Variants in RBM20 observed in about 807,000 individuals in gnomAD.
RBM20 encodes RNA-binding protein 20.
RBM20 carries 51 observed loss-of-function variants against 110.1 expected under a neutral mutation model. The observed-to-expected ratio is 0.46, with a 90% CI of 0.37 to 0.59. RBM20 has a LOEUF of 0.59. RBM20 is among the 20% of genes least tolerant of loss of function. RBM20 has a pLI of 0.00. For missense variants in RBM20, 1,512 were observed against 1,574.9 expected, an observed-to-expected ratio of 0.96 and a Z score of 0.68; for synonymous variants, 589 against 618.2, an observed-to-expected ratio of 0.95 and a Z score of 0.70.
chr10:110,661,102 G>A (rs1003118947), intron 1 of RBM20, among the ~76,000 whole-genome samples: 2 of 152,154 alleles, frequency 1.3e-5, no homozygotes, highest in African/African-American at 4.8e-5. Flanking sequence ...AATATTTGTT[G>A]AATGACTAAG....
intron 13 of RBM20, among the ~76,000 whole-genome samples, chr10:110,833,409 A>AAAAAAAAAAAAAAAAAAC (rs1477214137): frequency 1.3e-5 from 2 of 151,308 alleles, no homozygotes; most frequent in Non-Finnish European, 1.5e-5. Context: ...AAAAAAAAGA[A>AAAAAAAAAAAAAAAAAAC]ATGCAGCTTC....
chr10:110,838,117 C>T lies in RBM20; in HGVS notation c.*2139C>T, dbSNP rs1845156391. The T allele has an allele frequency of 6.6e-6, 1 of 152,206 alleles. No individual in the cohort carries two copies. The highest frequency in any genetic ancestry group is 2.4e-5 in the African/African-American group (1 of 41,442). 9.4% of individuals were successfully genotyped at this position (152,206 alleles called of 1,614,324 possible). ...GGAAAGCAGCTTTGAGATGACCAGTCTGGTTTTTGTTCTTTGTGTCTGCTT... is the reference window on the plus strand; with the variant it reads ...GGAAAGCAGCTTTGAGATGACCAGTTTGGTTTTTGTTCTTTGTGTCTGCTT... On this transcript the variant is annotated 3_prime_UTR_variant, in exon 14 of 14. Transcript: ENST00000369519.
chr10:110,762,608 T>C (rs919712288), intron 1 of RBM20, among the ~76,000 whole-genome samples: 2 of 152,188 alleles, frequency 1.3e-5, no homozygotes, highest in South Asian at 4.1e-4. Flanking sequence ...CAATAGCAGA[T>C]ACACAGCTCC....
intron 1 of RBM20, among the ~76,000 whole-genome samples, chr10:110,692,502 A>G (rs1482749661): frequency 1.3e-5 from 2 of 152,118 alleles, no homozygotes; most frequent in Non-Finnish European, 2.9e-5. Flanking sequence ...TTTTGATGCT[A>G]TTATAAATGA....
rs77569236 is a variant in RBM20 at position 110,836,395 on chromosome 10, G to A, written c.*417G>A. 1,236 of 153,630 alleles carry A rather than the reference G, an allele frequency of 8.0e-3. 18 individuals are homozygous for A. The highest frequency in any genetic ancestry group is 0.047 in the South Asian group (233 of 4,928). 9.5% of individuals were successfully genotyped at this position (153,630 alleles called of 1,614,324 possible). ...GTCAGGCCTAGCTGAGTCAGGCAAG[G>A]AAAAGGTTTAATGGAAACTCCTGGG... On this transcript the variant is annotated 3_prime_UTR_variant, in exon 14 of 14. Transcript: ENST00000369519.
At chr10:110,695,094 T>C (rs1053853739) in intron 1 of RBM20, among the ~76,000 whole-genome samples, 2 of 152,212 alleles carry the variant, frequency 1.3e-5, no homozygotes, top group African/African-American at 2.4e-5. Flanking sequence ...TGATTTTTGT[T>C]ACGATATCGT....
At chr10:110,747,296 TGG>T (rs370293230) in intron 1 of RBM20, among the ~76,000 whole-genome samples, 15 of 136,902 alleles carry the variant, frequency 1.1e-4, no homozygotes, top group Non-Finnish European at 1.4e-4. Context: ...ACTCTTTTTT[TGG>T]GGGGGGGGGT....
chr10:110,646,033 T>G (rs1054554088), intron 1 of RBM20, among the ~76,000 whole-genome samples: 4 of 152,236 alleles, frequency 2.6e-5, no homozygotes, highest in African/African-American at 9.6e-5. Context: ...GAAAAACTAT[T>G]TAAAATTTAA....
chr10:110,815,018 AAG>A (rs1292784204), intron 9 of RBM20, among the ~76,000 whole-genome samples: 2 of 152,210 alleles, frequency 1.3e-5, no homozygotes, highest in African/African-American at 4.8e-5. Context: ...ACCAACTCAA[AAG>A]AGAATCCAAA....
intron 1 of RBM20, among the ~76,000 whole-genome samples, chr10:110,753,807 TTGCGATG>T (rs1203309055): frequency 3.3e-5 from 5 of 152,254 alleles, no homozygotes; most frequent in Non-Finnish European, 7.3e-5. Flanking sequence ...TTTCCCAGCA[TTGCGATG>T]CTGCATTCCT....
chr10:110,814,665 T>TTTATATTTTTAGTAG (rs1410905514), intron 9 of RBM20, among the ~76,000 whole-genome samples: 2 of 152,056 alleles, frequency 1.3e-5, no homozygotes, highest in African/African-American at 4.8e-5. Context: ...CCGGCTAATT[T>TTTATATTTTTAGTAG]TTATATTTTT....
intron 7 of RBM20, among the ~76,000 whole-genome samples, chr10:110,801,604 G>C (rs141865539): frequency 0.02 from 2,999 of 151,708 alleles, 96 homozygotes; most frequent in African/African-American, 0.068. Flanking sequence ...GTGCAATTTT[G>C]GCTCACTGCA....
At chr10:110,831,224 C>T in intron 13 of RBM20, 42 bp downstream of exon 13, 1 of 1,542,836 alleles carries the variant, frequency 6.5e-7, no homozygotes, top group Admixed American at 2.0e-5. Context: ...AGGGGCTCCC[C>T]AGTCTCCATA....
rs191653395 is a variant in RBM20, at chr10:110,727,184, A to T, written c.192-53617A>T. The stretch of plus-strand genomic sequence containing the variant: ...TTTTTTTTTTTTTTACTATTAAGAA[A>T]TTCCCCCTTTTATCTTTAGTTGACA... On this transcript the variant is annotated intron_variant, in intron 1 of 13. Transcript: ENST00000369519. Among the ~76,000 whole-genome samples the T allele has an allele frequency of 2.7e-3, 360 of 132,104 alleles. 6 individuals carry two copies. The highest frequency in any genetic ancestry group is 9.7e-3 in the African/African-American group (334 of 34,376). The allele number at this position is 132,104 out of a possible 152,430, so 86.7% of individuals were successfully genotyped here.
chr10:110,752,918 T>C (rs1457270603), intron 1 of RBM20, among the ~76,000 whole-genome samples: 1 of 108,762 alleles, frequency 9.2e-6, no homozygotes, highest in Non-Finnish European at 1.9e-5. Context: ...TATATATTTA[T>C]ACATATATAT....
At chr10:110,652,735 G>A (rs1255687846) in intron 1 of RBM20, among the ~76,000 whole-genome samples, 1 of 152,172 alleles carries the variant, frequency 6.6e-6, no homozygotes, top group East Asian at 1.9e-4. Flanking sequence ...GAGAATCCCT[G>A]TATTTCTGTC....
At chr10:110,744,058 AG>A (rs2134973299) in intron 1 of RBM20, among the ~76,000 whole-genome samples, 1 of 152,326 alleles carries the variant, frequency 6.6e-6, no homozygotes, top group African/African-American at 2.4e-5. Flanking sequence ...GTACAGTGAC[AG>A]GGTGGTGTCA....
Position 110,644,695 on chromosome 10 carries a change from C to T in RBM20, c.191+50C>T. ...ACCACGGGTGCGCCTGGGGACACGC[C>T]CCGAGAGCCCCCTTTGTGGCTTCAT... On this transcript the variant is annotated intron_variant, in intron 1 of 13. Coordinates refer to ENST00000369519, the MANE Select transcript of RBM20 (RefSeq NM_001134363.3). This position sits in a 1 kb window ranked among gnomAD's most constrained non-coding sequence, Gnocchi z 4.3. 1 of 1,317,708 alleles carries T rather than the reference C, an allele frequency of 7.6e-7. No homozygotes were observed. Among genetic ancestry groups the T allele is most frequent in the South Asian group, 1.6e-5 (1 of 63,716 alleles). 81.6% of individuals were successfully genotyped at this position (1,317,708 alleles called of 1,614,324 possible). A position where few individuals can be genotyped will look rare whatever the true frequency, so the allele number is the denominator to read the frequency against.
chr10:110,656,279 G>A (rs1862025744), intron 1 of RBM20, among the ~76,000 whole-genome samples: 1 of 152,046 alleles, frequency 6.6e-6, no homozygotes, highest in Admixed American at 6.6e-5. Context: ...TTGCACTCCA[G>A]CCTGGGCAAC....
Sources: allele counts gnomAD v4.1 joint callset (sites outside exome capture counted in the v4.1 genomes callset), GRCh38; gene constraint gnomAD v4.1.1; non-coding constraint Gnocchi (gnomAD v3.1); transcripts MANE v1.5; gene names NCBI Gene and HGNC (gene_info 2026-07-23, HGNC 2026-07-21).